Variants in PLGRKT observed in about 807,000 individuals in gnomAD.
PLGRKT encodes the protein plasminogen receptor with a C-terminal lysine.
In PLGRKT, 22 loss-of-function variants were observed where a neutral mutation model predicts 18.5. The ratio of observed to expected loss-of-function variants is 1.19; its 90% CI spans 0.85 to 1.70. The LOEUF (loss-of-function observed/expected upper bound fraction) is 1.70. PLGRKT is among the 40% of genes most tolerant of loss of function. PLGRKT has a pLI of 0.00. For missense variants in PLGRKT, 235 were observed against 174.4 expected (o/e 1.35, Z -1.96); for synonymous variants, 72 against 52.8 (o/e 1.36, Z -1.58).
At chr9:5,411,064 A>G (rs1040568800) in intron 3 of PLGRKT, among the ~76,000 whole-genome samples, 7 of 152,196 alleles carry the variant, frequency 4.6e-5, no homozygotes, top group Non-Finnish European at 8.8e-5. Context: ...TCATGAGCAA[A>G]TAAGAGAAAA....
intron 3 of PLGRKT, among the ~76,000 whole-genome samples, chr9:5,368,600 G>A (rs1470231061): frequency 2.0e-5 from 3 of 152,082 alleles, no homozygotes; most frequent in African/African-American, 4.8e-5. Context: ...GAGGGGGAGG[G>A]AAGCAAGTGA....
At chr9:5,429,333 C>T (rs2131173725) in intron 3 of PLGRKT, among the ~76,000 whole-genome samples, 1 of 152,338 alleles carries the variant, frequency 6.6e-6, no homozygotes, top group Non-Finnish European at 1.5e-5. Context: ...CCCAGTGCAG[C>T]AGCACCACCT....
chr9:5,424,744 C>CA (rs1818663455), intron 3 of PLGRKT, among the ~76,000 whole-genome samples: 1 of 133,438 alleles, frequency 7.5e-6, no homozygotes, highest in East Asian at 2.2e-4. Context: ...GAGAAAGAGA[C>CA]AGAGTTTTGT....
At chr9:5,406,495 A>G (rs991532003) in intron 3 of PLGRKT, among the ~76,000 whole-genome samples, 1 of 152,158 alleles carries the variant, frequency 6.6e-6, no homozygotes, top group Non-Finnish European at 1.5e-5. Context: ...TATCCTCAAC[A>G]AACTAACGCA....
chr9:5,423,856 C>T (rs189078902), intron 3 of PLGRKT, among the ~76,000 whole-genome samples: 6 of 92,570 alleles, frequency 6.5e-5, no homozygotes, highest in African/African-American at 3.2e-4. Context: ...GCACACATCA[C>T]ATTGCCCAGC....
At chr9:5,412,102 C>A (rs1478358687) in intron 3 of PLGRKT, among the ~76,000 whole-genome samples, 1 of 152,252 alleles carries the variant, frequency 6.6e-6, no homozygotes, top group African/African-American at 2.4e-5. Context: ...TAGTACATGA[C>A]TAGACAAACT....
At chr9:5,396,752 T>C (rs1265506253) in intron 3 of PLGRKT, among the ~76,000 whole-genome samples, 1 of 152,034 alleles carries the variant, frequency 6.6e-6, no homozygotes, top group Non-Finnish European at 1.5e-5. Flanking sequence ...CTCTTCTAGC[T>C]AGTCTGTGCT....
intron 3 of PLGRKT, among the ~76,000 whole-genome samples, chr9:5,416,842 T>C (rs914662601): frequency 3.3e-5 from 5 of 152,228 alleles, no homozygotes; most frequent in African/African-American, 9.6e-5. Context: ...TGTAGAAAAG[T>C]GCCTGTGGCA....
intron 3 of PLGRKT, among the ~76,000 whole-genome samples, chr9:5,380,879 G>T (rs771244485): frequency 3.3e-5 from 5 of 152,132 alleles, no homozygotes; most frequent in Non-Finnish European, 5.9e-5. Context: ...TAGAGGGAGG[G>T]AGCTGGTAGG....
intron 4 of PLGRKT, among the ~76,000 whole-genome samples, chr9:5,361,521 G>GCT (rs1254637454): frequency 6.6e-6 from 1 of 151,918 alleles, no homozygotes; most frequent in East Asian, 1.9e-4. Flanking sequence ...TCAAGTTGGT[G>GCT]CTCTCTCTCT....
intron 3 of PLGRKT, among the ~76,000 whole-genome samples, chr9:5,362,372 A>G (rs1364784675): frequency 6.6e-6 from 1 of 152,202 alleles, no homozygotes; most frequent in East Asian, 1.9e-4. Context: ...TGAGACATCT[A>G]TAGAGATTTT....
At chr9:5,388,356 C>A (rs2131105464) in intron 3 of PLGRKT, among the ~76,000 whole-genome samples, 1 of 152,024 alleles carries the variant, frequency 6.6e-6, no homozygotes, top group East Asian at 1.9e-4. Context: ...GAGATGAGCA[C>A]TGAGATATCG....
At chr9:5,362,196 G>C (rs1051566605) in intron 3 of PLGRKT, among the ~76,000 whole-genome samples, 1 of 152,214 alleles carries the variant, frequency 6.6e-6, no homozygotes, top group African/African-American at 2.4e-5. Context: ...TTTCCTATTG[G>C]ATGTGTGGAA....
chr9:5,380,448 T>C (rs1347790070), intron 3 of PLGRKT, among the ~76,000 whole-genome samples: 3 of 152,026 alleles, frequency 2.0e-5, no homozygotes, highest in African/African-American at 7.2e-5. Flanking sequence ...CCAGATACTA[T>C]TCTATTAACT....
At chr9:5,403,282 G>T (rs1296144137) in intron 3 of PLGRKT, among the ~76,000 whole-genome samples, 3 of 145,286 alleles carry the variant, frequency 2.1e-5, no homozygotes, top group Admixed American at 1.4e-4. Flanking sequence ...GGAGTACAAT[G>T]GTGCGATCTC....
chr9:5,401,845 G>A (rs1818160479), intron 3 of PLGRKT, among the ~76,000 whole-genome samples: 1 of 151,926 alleles, frequency 6.6e-6, no homozygotes, highest in Admixed American at 6.6e-5. Context: ...GCGGTGTCAA[G>A]GGGACATCAA....
intron 3 of PLGRKT, among the ~76,000 whole-genome samples, chr9:5,405,648 A>G (rs566330732): frequency 3.3e-5 from 5 of 152,362 alleles, no homozygotes; most frequent in African/African-American, 9.6e-5. Flanking sequence ...CCAGAACTAT[A>G]AAAACCCTAG....
chr9:5,388,597 G>C (rs773542469), intron 3 of PLGRKT, among the ~76,000 whole-genome samples: 3 of 152,022 alleles, frequency 2.0e-5, no homozygotes, highest in Non-Finnish European at 4.4e-5. Flanking sequence ...AGGAAGTAGA[G>C]AGGATCTTCT....
chr9:5,394,171 T>C (rs936732180), intron 3 of PLGRKT, among the ~76,000 whole-genome samples: 1 of 151,818 alleles, frequency 6.6e-6, no homozygotes, highest in African/African-American at 2.4e-5. Flanking sequence ...ATCTAGACTT[T>C]TTGATGTTGT....
Sources: allele counts gnomAD v4.1 joint callset (sites outside exome capture counted in the v4.1 genomes callset), GRCh38; gene constraint gnomAD v4.1.1; transcripts MANE v1.5; gene names NCBI Gene and HGNC (gene_info 2026-07-23, HGNC 2026-07-21).